The following RYK variants were observed in gnomAD, a reference collection of about 807,000 sequenced individuals.
RYK encodes inactive tyrosine-protein kinase RYK.
RYK carries 21 observed loss-of-function variants against 70.2 expected under a neutral mutation model. The observed-to-expected ratio is 0.30, with a 90% CI of 0.21 to 0.43. The LOEUF (loss-of-function observed/expected upper bound fraction) is 0.43, where lower values mean the gene tolerates loss of function less well. RYK is among the 20% of genes least tolerant of loss of function. RYK has a pLI of 1.00. For synonymous variants in RYK, 267 were observed against 278.0 expected, an observed-to-expected ratio of 0.96 and a Z score of 0.39; for missense variants, 604 against 753.3, an observed-to-expected ratio of 0.80 and a Z score of 2.32.
At chr3:134,246,158 C>G (rs933731023) in intron 1 of RYK, among the ~76,000 whole-genome samples, 12 of 151,524 alleles carry the variant, frequency 7.9e-5, no homozygotes, top group African/African-American at 2.9e-4. Context: ...AATTTAAAAA[C>G]ATGATCATTA....
In RYK at chr3:134,231,872, G is replaced by A. The variant is rs142062431; in HGVS notation, c.233-9333C>T. On this transcript the variant is annotated intron_variant, in intron 1 of 14. Transcript: ENST00000623711. The stretch of plus-strand genomic sequence containing the variant: ...AGTTACCTCATTCACTGAGGATTCT[G>A]GGACCAGTTTATACAAGTTCTATGC... 1.8e-3 allele frequency among the ~76,000 whole-genome samples: 280 copies of A among 152,184 alleles called. 2 individuals are homozygous for A. The highest frequency in any genetic ancestry group is 6.3e-3 in the African/African-American group (262 of 41,526).
chr3:134,241,626 A>C (rs946706476), intron 1 of RYK, among the ~76,000 whole-genome samples: 5 of 152,230 alleles, frequency 3.3e-5, no homozygotes, highest in Admixed American at 3.3e-4. Context: ...TCAATTCAAC[A>C]AATTGCTCAG....
intron 1 of RYK, among the ~76,000 whole-genome samples, chr3:134,227,261 A>C (rs1226453465): frequency 6.6e-6 from 1 of 152,216 alleles, no homozygotes; most frequent in Non-Finnish European, 1.5e-5. Context: ...CATGGCTAAG[A>C]AAAATTAGAG....
At chr3:134,224,017 G>A (rs2014812300) in intron 1 of RYK, among the ~76,000 whole-genome samples, 1 of 152,214 alleles carries the variant, frequency 6.6e-6, no homozygotes, top group Non-Finnish European at 1.5e-5. Context: ...ACGCCACATA[G>A]GGGAAAGCTG....
chr3:134,200,310 G>A (rs1409260105), intron 6 of RYK, among the ~76,000 whole-genome samples: 1 of 152,066 alleles, frequency 6.6e-6, no homozygotes, highest in South Asian at 2.1e-4. Flanking sequence ...CAGGAGGAAC[G>A]AACCACTCCG....
At position 134,157,941 on chromosome 3, in the gene RYK, C is replaced by G; in HGVS notation, c.*212G>C. ...GCCAAAAAATTTACAAAAACCCTTT[C>G]AGTTCAACCTAATAAAAGTGATATC... On this transcript the variant is annotated 3_prime_UTR_variant, in exon 15 of 15. Coordinates refer to ENST00000623711, the MANE Select transcript of RYK (RefSeq NM_002958.4). 2.6e-6 allele frequency: 1 copy of G among 379,260 alleles called. No individual in the cohort carries two copies. The highest frequency in any genetic ancestry group is 4.6e-6 in the Non-Finnish European group (1 of 215,112). 23.5% of individuals were successfully genotyped at this position (379,260 alleles called of 1,614,324 possible). A position where few individuals can be genotyped will look rare whatever the true frequency, so the allele number is the denominator to read the frequency against.
At position 134,171,991 on chromosome 3, in the gene RYK, G is replaced by A. The variant is rs556110791; in HGVS notation, c.1575+3618C>T. ...CCTTTTTCTAAGAGAATAATAAAAAGATTTCCAACCTCTTCAAATTACACG... is the reference window on the plus strand; with the variant it reads ...CCTTTTTCTAAGAGAATAATAAAAAAATTTCCAACCTCTTCAAATTACACG... On this transcript the variant is annotated intron_variant, in intron 13 of 14. Transcript: ENST00000623711. 6.0e-4 allele frequency among the ~76,000 whole-genome samples: 91 copies of A among 152,066 alleles called. 1 individual carries two copies. The highest frequency in any genetic ancestry group is 2.0e-3 in the African/African-American group (85 of 41,470).
chr3:134,191,976 T>A lies in RYK; in HGVS notation c.890-2A>T, dbSNP rs755514899. 6.2e-7 allele frequency: 1 copy of A among 1,612,574 alleles called. No individual in the cohort carries two copies. Among genetic ancestry groups the A allele is most frequent in the South Asian group, 1.1e-5 (1 of 90,740 alleles). On this transcript the variant is annotated splice_acceptor_variant, in intron 7 of 14. Coordinates refer to ENST00000623711, the MANE Select transcript of RYK (RefSeq NM_002958.4). LOFTEE classifies it high-confidence loss of function. ...TCTCTATCCGCAAGGTAGGATAACC[T>A]AAGGAGCCAACAAAGCCAAACCAAG...
intron 2 of RYK, among the ~76,000 whole-genome samples, chr3:134,214,624 A>G (rs1241736983): frequency 6.6e-6 from 1 of 152,174 alleles, no homozygotes; most frequent in Admixed American, 6.5e-5. Flanking sequence ...TGCTGAAGGA[A>G]ATCCATCCTA....
At chr3:134,223,595 T>A (rs2014801704) in intron 1 of RYK, among the ~76,000 whole-genome samples, 1 of 150,934 alleles carries the variant, frequency 6.6e-6, no homozygotes, top group Non-Finnish European at 1.5e-5. Flanking sequence ...TAATCAAGTG[T>A]TTGAGAAATG....
intron 9 of RYK, among the ~76,000 whole-genome samples, chr3:134,188,115 A>G (rs1466544552): frequency 2.0e-5 from 3 of 151,438 alleles, no homozygotes; most frequent in Middle Eastern, 6.3e-3. Flanking sequence ...TCATGACAAT[A>G]TAAACCAGTG....
At chr3:134,223,705 T>C (rs1201109938) in intron 1 of RYK, among the ~76,000 whole-genome samples, 2 of 152,194 alleles carry the variant, frequency 1.3e-5, no homozygotes, top group African/African-American at 2.4e-5. Context: ...ATTGATTTAC[T>C]GTTATTTAAA....
intron 5 of RYK, among the ~76,000 whole-genome samples, chr3:134,204,064 G>A (rs2014117440): frequency 1.3e-5 from 2 of 152,188 alleles, no homozygotes; most frequent in Admixed American, 6.5e-5. Flanking sequence ...ACTCACAGAA[G>A]ACTGAGTGAC....
At chr3:134,248,757 C>T (rs2015535263) in intron 1 of RYK, among the ~76,000 whole-genome samples, 1 of 152,188 alleles carries the variant, frequency 6.6e-6, no homozygotes, top group Admixed American at 6.5e-5. Flanking sequence ...GAGATCACGC[C>T]ACTGCACTCC....
At chr3:134,212,247 T>C (rs1463758166) in intron 2 of RYK, among the ~76,000 whole-genome samples, 1 of 152,256 alleles carries the variant, frequency 6.6e-6, no homozygotes. Context: ...ACCAATGTTA[T>C]CTATCAATAC....
At chr3:134,209,670 A>G (rs759498315) in intron 4 of RYK, 25 bp downstream of exon 4, 28 of 1,408,558 alleles carry the variant, frequency 2.0e-5, no homozygotes, top group Admixed American at 3.1e-5. Flanking sequence ...CATGTAAAAC[A>G]TATTTTGGTA....
intron 10 of RYK, chr3:134,178,719 T>C (rs957434809): frequency 2.0e-5 from 3 of 152,202 alleles, no homozygotes; most frequent in Non-Finnish European, 2.9e-5. Context: ...AAACCAAGCA[T>C]GTAGTGGACA....
chr3:134,167,766 T>A (rs1426342934), intron 13 of RYK, among the ~76,000 whole-genome samples: 3 of 152,012 alleles, frequency 2.0e-5, no homozygotes, highest in Non-Finnish European at 4.4e-5. Context: ...AAGCCAAAAT[T>A]GACAAATGGG....
Position 134,250,495 on chromosome 3 carries a change from C to A in RYK, c.160G>T (p.Glu54Ter), listed in dbSNP as rs1553713557. Residue 54 changes from glutamate to a stop codon, truncating the protein, a stop_gained, in exon 1 of 15, where the codon GAG (glutamate) becomes TAG (stop). Transcript: ENST00000623711. LOFTEE classifies it high-confidence loss of function. ...GGCCCCGCGGAAGCCGACTGCAGCT[C>A]CGGGGGCCGCGGGGCGGGGGCGGCG... ...AAAAPAPRPP[E>*]LQSASAGPSV... 7.8e-7 allele frequency: 1 copy of A among 1,286,884 alleles called. No homozygotes were observed. Among genetic ancestry groups the A allele is most frequent in the South Asian group, 2.5e-5 (1 of 39,558 alleles). The allele number at this position is 1,286,884 out of a possible 1,614,324, so 79.7% of individuals were successfully genotyped here.
Sources: allele counts gnomAD v4.1 joint callset (sites outside exome capture counted in the v4.1 genomes callset), GRCh38; gene constraint gnomAD v4.1.1; transcripts MANE v1.5; gene names NCBI Gene and HGNC (gene_info 2026-07-23, HGNC 2026-07-21).